The following CADM2 variants were observed in gnomAD, a reference collection of about 807,000 sequenced individuals.
The protein encoded by CADM2 is cell adhesion molecule 2.
A neutral mutation model predicts 49.8 loss-of-function variants in CADM2; 12 were observed. The ratio of observed to expected loss-of-function variants is 0.24; its 90% CI spans 0.15 to 0.39. The LOEUF is 0.39. Among genes scored for constraint, CADM2 ranks in the 10% least tolerant of loss-of-function variants. CADM2 has a pLI of 1.00. For synonymous variants in CADM2, 214 were observed against 175.4 expected, an observed-to-expected ratio of 1.22 and a Z score of -1.74; for missense variants, 378 against 492.3, an observed-to-expected ratio of 0.77 and a Z score of 2.20.
chr3:85,287,743 T>C (rs2043670279), intron 1 of CADM2, among the ~76,000 whole-genome samples: 1 of 152,170 alleles, frequency 6.6e-6, no homozygotes, highest in Non-Finnish European at 1.5e-5. Flanking sequence ...TTAATTTTTT[T>C]AACCTTTTGA....
chr3:85,980,661 T>A (rs949347054), intron 8 of CADM2, among the ~76,000 whole-genome samples: 2 of 151,682 alleles, frequency 1.3e-5, no homozygotes, highest in Non-Finnish European at 1.5e-5. Context: ...AGAAGTGCTT[T>A]ATAATATTAT....
intron 1 of CADM2, among the ~76,000 whole-genome samples, chr3:85,480,212 G>A (rs951889209): frequency 4.0e-5 from 6 of 151,526 alleles, no homozygotes; most frequent in Non-Finnish European, 5.9e-5. Context: ...TCACAAAATA[G>A]GTTTAATTAA....
intron 1 of CADM2, among the ~76,000 whole-genome samples, chr3:85,219,083 T>C (rs1013653286): frequency 1.3e-5 from 2 of 152,062 alleles, no homozygotes; most frequent in Non-Finnish European, 2.9e-5. Context: ...GAGAAAAACA[T>C]AGAATGCATA....
At position 85,317,862 on chromosome 3, in the gene CADM2, A is replaced by G. The variant is rs28587144; in HGVS notation, c.61+358194A>G. On this transcript the variant is annotated intron_variant, in intron 1 of 9. Transcript: ENST00000383699. ...ATTAGCATAGCATGAATATTTGATA[A>G]CAGAGCAATATGAAAGAGACTATAG... 2.6e-3 allele frequency among the ~76,000 whole-genome samples: 395 copies of G among 152,370 alleles called. 1 individual carries two copies. Among genetic ancestry groups the G allele is most frequent in the African/African-American group, 9.2e-3 (382 of 41,592 alleles).
intron 7 of CADM2, among the ~76,000 whole-genome samples, chr3:85,956,877 C>T (rs768609255): frequency 1.1e-4 from 17 of 151,386 alleles, no homozygotes; most frequent in Non-Finnish European, 2.4e-4. Flanking sequence ...TTTGAGTATA[C>T]GGAAGTGTAT....
intron 6 of CADM2, among the ~76,000 whole-genome samples, chr3:85,926,706 C>T (rs1452758702): frequency 1.3e-5 from 2 of 151,902 alleles, no homozygotes; most frequent in South Asian, 4.1e-4. Context: ...TAAGAAGAAC[C>T]TGTTTTTATA....
intron 8 of CADM2, among the ~76,000 whole-genome samples, chr3:85,968,824 G>C (rs1725769564): frequency 6.6e-6 from 1 of 151,678 alleles, no homozygotes; most frequent in South Asian, 2.1e-4. Context: ...GGGAGGAAAT[G>C]TTGGCATTAG....
chr3:86,072,607 T>C lies in CADM2; in HGVS notation c.*5824T>C, dbSNP rs941460731. On this transcript the variant is annotated 3_prime_UTR_variant, in exon 10 of 10. Coordinates refer to ENST00000383699, the MANE Select transcript of CADM2 (RefSeq NM_001167675.2). ...TTTAAGTGCGGTATGAAATGCAACA[T>C]TACGCTTACAAACAGTACTGTCAAA... 2 of 152,098 alleles carry C rather than the reference T, an allele frequency of 1.3e-5. No individual in the cohort carries two copies. The highest frequency in any genetic ancestry group is 2.1e-4 in the South Asian group (1 of 4,826). The allele number at this position is 152,098 out of a possible 1,614,324, so 9.4% of individuals were successfully genotyped here. A position where few individuals can be genotyped will look rare whatever the true frequency, so the allele number is the denominator to read the frequency against.
At chr3:85,237,459 C>A (rs1456488179) in intron 1 of CADM2, among the ~76,000 whole-genome samples, 2 of 151,656 alleles carry the variant, frequency 1.3e-5, no homozygotes, top group East Asian at 1.9e-4. Flanking sequence ...GTGATGACAA[C>A]TTTTCATTCT....
chr3:86,054,786 T>C (rs1446384114), intron 8 of CADM2, among the ~76,000 whole-genome samples: 1 of 152,164 alleles, frequency 6.6e-6, no homozygotes, highest in Non-Finnish European at 1.5e-5. Context: ...GCATACAATA[T>C]ACTTAACCTC....
intron 1 of CADM2, among the ~76,000 whole-genome samples, chr3:84,974,822 A>G (rs976607558): frequency 6.6e-6 from 1 of 151,956 alleles, no homozygotes; most frequent in South Asian, 2.1e-4. Flanking sequence ...ACATTCTGAT[A>G]TCTTCAAATT....
chr3:85,761,051 G>T (rs9309990), intron 2 of CADM2, among the ~76,000 whole-genome samples: 1 of 151,868 alleles, frequency 6.6e-6, no homozygotes. Flanking sequence ...TTCAACTCTC[G>T]CTAAGGCAGG....
chr3:85,598,147 AT>A (rs2063297200), intron 1 of CADM2, among the ~76,000 whole-genome samples: 1 of 151,990 alleles, frequency 6.6e-6, no homozygotes, highest in East Asian at 1.9e-4. Flanking sequence ...CATTCCAGAC[AT>A]TGTGCTAACT....
chr3:85,900,986 T>C (rs1559730953), intron 5 of CADM2, among the ~76,000 whole-genome samples: 1 of 152,208 alleles, frequency 6.6e-6, no homozygotes, highest in Non-Finnish European at 1.5e-5. Context: ...TTATGAATCA[T>C]ATTTTACTAA....
At chr3:85,679,017 A>G (rs574946472) in intron 1 of CADM2, among the ~76,000 whole-genome samples, 1 of 152,338 alleles carries the variant, frequency 6.6e-6, no homozygotes, top group African/African-American at 2.4e-5. Flanking sequence ...TGTAAGGTTT[A>G]GAGATATGAT....
At chr3:85,758,946 A>G (rs934564966) in intron 2 of CADM2, among the ~76,000 whole-genome samples, 1 of 152,180 alleles carries the variant, frequency 6.6e-6, no homozygotes. Flanking sequence ...GTGGGGACAC[A>G]GAACTTAAAA....
At chr3:85,314,891 A>G (rs968985705) in intron 1 of CADM2, among the ~76,000 whole-genome samples, 2 of 152,174 alleles carry the variant, frequency 1.3e-5, no homozygotes, top group Non-Finnish European at 2.9e-5. Flanking sequence ...TCCACTTTCC[A>G]TGTAATATCA....
intron 1 of CADM2, among the ~76,000 whole-genome samples, chr3:85,646,212 C>A (rs1244401957): frequency 6.6e-6 from 1 of 151,978 alleles, no homozygotes; most frequent in Non-Finnish European, 1.5e-5. Context: ...TCAACCTGAA[C>A]TGTTTCCTAG....
intron 6 of CADM2, among the ~76,000 whole-genome samples, chr3:85,934,430 A>G (rs1430389276): frequency 2.0e-5 from 3 of 152,046 alleles, no homozygotes; most frequent in East Asian, 1.9e-4. Context: ...TTTTTCTTCT[A>G]TCAGTTAAAA....
Sources: gnomAD v4.1 joint callset for allele counts (sites outside exome capture counted in the v4.1 genomes callset) on GRCh38, gnomAD v4.1.1 for gene constraint, MANE v1.5 for transcripts, NCBI Gene and HGNC (gene_info 2026-07-23, HGNC 2026-07-21) for gene names.